CTNNA3: variants seen among roughly 807,000 people sequenced by gnomAD.
The protein encoded by CTNNA3 is catenin alpha 3.
Under a neutral mutation model 95.7 loss-of-function variants are expected in CTNNA3, and 76 were observed. The ratio of observed to expected loss-of-function variants is 0.79; its 90% CI spans 0.66 to 0.96. The LOEUF is 0.96. Among genes scored for constraint, CTNNA3 ranks in the 40% least tolerant of loss-of-function variants. The pLI is 0.00. For missense variants in CTNNA3, 1,191 were observed against 1,089.8 expected, an observed-to-expected ratio of 1.09 and a Z score of -1.31; for synonymous variants, 431 against 374.4, an observed-to-expected ratio of 1.15 and a Z score of -1.74.
At chr10:65,943,170 C>T (rs2819705) in intron 17 of CTNNA3, among the ~76,000 whole-genome samples, 22,655 of 151,630 alleles carry the variant, frequency 0.15, 2,098 homozygotes, top group South Asian at 0.22. Context: ...CTCACGCCAT[C>T]CTTCTGCCTC....
intron 15 of CTNNA3, among the ~76,000 whole-genome samples, chr10:66,048,701 C>T (rs2079884378): frequency 6.6e-6 from 1 of 152,118 alleles, no homozygotes; most frequent in African/African-American, 2.4e-5. Flanking sequence ...GCAGAGCTTG[C>T]AGTGAGCCAA....
chr10:65,953,194 G>A (rs560088402), intron 17 of CTNNA3, among the ~76,000 whole-genome samples: 14 of 152,312 alleles, frequency 9.2e-5, no homozygotes, highest in African/African-American at 3.1e-4. Flanking sequence ...TAGGTGAACA[G>A]TTGATGAAGA....
chr10:67,395,570 T>C (rs1844679367), intron 5 of CTNNA3, among the ~76,000 whole-genome samples: 1 of 152,178 alleles, frequency 6.6e-6, no homozygotes, highest in Admixed American at 6.6e-5. Flanking sequence ...TGGTAGAAAA[T>C]TTAGATCCAG....
At chr10:67,286,291 T>C (rs537440189) in intron 5 of CTNNA3, among the ~76,000 whole-genome samples, 1 of 152,324 alleles carries the variant, frequency 6.6e-6, no homozygotes, top group African/African-American at 2.4e-5. Flanking sequence ...GACTAAATAA[T>C]GCCATTTTAA....
At chr10:66,288,499 A>G (rs1296881398) in intron 12 of CTNNA3, among the ~76,000 whole-genome samples, 1 of 152,082 alleles carries the variant, frequency 6.6e-6, no homozygotes. Context: ...ATACTTCACT[A>G]TTTTCTAAAG....
intron 9 of CTNNA3, among the ~76,000 whole-genome samples, chr10:66,651,981 G>A (rs1006465968): frequency 6.6e-6 from 1 of 151,384 alleles, no homozygotes; most frequent in African/African-American, 2.4e-5. Context: ...CTGCTAGCAC[G>A]TTGTCACCTC....
chr10:66,082,964 A>G (rs922943112), intron 14 of CTNNA3, among the ~76,000 whole-genome samples: 10 of 152,064 alleles, frequency 6.6e-5, no homozygotes, highest in African/African-American at 2.4e-4. Flanking sequence ...TCAGAGTCTC[A>G]TCTCCCAACA....
Position 67,549,531 on chromosome 10 carries a change from A to G in CTNNA3, c.293-9862T>C, listed in dbSNP as rs555582344. Among the ~76,000 whole-genome samples, 5 of 152,338 alleles carry G rather than the reference A, an allele frequency of 3.3e-5. No homozygotes were observed. In the East Asian group the frequency reaches 9.6e-4, roughly 29 times the overall value. On this transcript the variant is annotated intron_variant, in intron 3 of 17. Coordinates refer to ENST00000433211, the MANE Select transcript of CTNNA3 (RefSeq NM_013266.4). ...TTTTTACTTTTCCCACCAATGATAC[A>G]TTCAGTCTGAGAAACTTGAGATTCT...
intron 5 of CTNNA3, among the ~76,000 whole-genome samples, chr10:67,267,844 T>C (rs970905687): frequency 3.3e-5 from 5 of 152,214 alleles, no homozygotes; most frequent in Admixed American, 2.6e-4. Flanking sequence ...TTATTATATG[T>C]ACTATTTTGG....
intron 12 of CTNNA3, among the ~76,000 whole-genome samples, chr10:66,322,904 T>A (rs544558366): frequency 6.6e-6 from 1 of 152,000 alleles, no homozygotes; most frequent in South Asian, 2.1e-4. Context: ...CTCAAGGACC[T>A]AGAACCAATC....
intron 5 of CTNNA3, among the ~76,000 whole-genome samples, chr10:67,481,103 T>C (rs868853746): frequency 2.0e-5 from 3 of 152,092 alleles, no homozygotes; most frequent in African/African-American, 4.8e-5. Flanking sequence ...CACATTTTTT[T>C]TGTACATGTT....
intron 9 of CTNNA3, among the ~76,000 whole-genome samples, chr10:66,690,475 G>C (rs10997308): frequency 1.8e-3 from 223 of 122,046 alleles, no homozygotes; most frequent in African/African-American, 2.2e-3. Flanking sequence ...TCCCTCCCCC[G>C]TCCCCCCACC....
At chr10:67,231,304 C>T (rs1589057655) in intron 5 of CTNNA3, among the ~76,000 whole-genome samples, 1 of 152,358 alleles carries the variant, frequency 6.6e-6, no homozygotes, top group East Asian at 1.9e-4. Flanking sequence ...AGCAGTGGTT[C>T]TCCCAGCACG....
chr10:67,435,033 C>G (rs1416007321), intron 5 of CTNNA3, among the ~76,000 whole-genome samples: 1 of 152,042 alleles, frequency 6.6e-6, no homozygotes, highest in Non-Finnish European at 1.5e-5. Flanking sequence ...CTATAGGAAT[C>G]TGCTCCATGT....
At chr10:67,649,299 G>C (rs967581546) in intron 1 of CTNNA3, among the ~76,000 whole-genome samples, 1 of 152,134 alleles carries the variant, frequency 6.6e-6, no homozygotes, top group Non-Finnish European at 1.5e-5. Context: ...GGTTTCCAAA[G>C]CTACATGGCC....
intron 7 of CTNNA3, among the ~76,000 whole-genome samples, chr10:66,943,449 G>A (rs1454188158): frequency 6.7e-6 from 1 of 150,012 alleles, no homozygotes; most frequent in Non-Finnish European, 1.5e-5. Context: ...GCTCTTTCCT[G>A]TTCTGAATTT....
At chr10:66,448,840 A>T (rs898296248) in intron 11 of CTNNA3, among the ~76,000 whole-genome samples, 4 of 152,046 alleles carry the variant, frequency 2.6e-5, no homozygotes, top group Non-Finnish European at 4.4e-5. Context: ...TAATAAAATT[A>T]AAAAATAAAT....
chr10:66,270,224 TGG>T (rs201185571), intron 13 of CTNNA3, among the ~76,000 whole-genome samples: 13 of 95,830 alleles, frequency 1.4e-4, no homozygotes, highest in East Asian at 6.7e-4. Flanking sequence ...TAACATTTTT[TGG>T]GGGGGGGGGC....
chr10:67,355,674 T>A (rs1429284550), intron 5 of CTNNA3, among the ~76,000 whole-genome samples: 1 of 151,834 alleles, frequency 6.6e-6, no homozygotes, highest in Non-Finnish European at 1.5e-5. Flanking sequence ...TCATCCACCA[T>A]CATTAAAAGT....
Sources: gnomAD v4.1 joint callset for allele counts (sites outside exome capture counted in the v4.1 genomes callset) on GRCh38, gnomAD v4.1.1 for gene constraint, MANE v1.5 for transcripts, NCBI Gene and HGNC (gene_info 2026-07-23, HGNC 2026-07-21) for gene names.